The following AKR1C8 variants were observed in gnomAD, a reference collection of about 807,000 sequenced individuals.
AKR1C8 encodes the protein aldo-keto reductase family 1 member C-like protein 1.
the AKR1C8 span, chr10:5,159,838 G>A: frequency 1.3e-3 from 632 of 482,332 alleles, 4 homozygotes; most frequent in African/African-American, 0.012. Flanking sequence ...GGAAGTGTGT[G>A]AACAGCAAAA....
the AKR1C8 span, among the ~76,000 whole-genome samples, chr10:5,158,045 A>C: frequency 2.0e-5 from 3 of 152,212 alleles, no homozygotes; most frequent in African/African-American, 7.2e-5. Flanking sequence ...AACACCCAGA[A>C]ATAAAATGGA....
the AKR1C8 span, chr10:5,132,618 A>G: frequency 6.3e-7 from 1 of 1,582,890 alleles, no homozygotes; most frequent in Non-Finnish European, 8.6e-7. Flanking sequence ...AGTGTAGAAT[A>G]TGTCTTCTCT....
At chr10:5,133,852 A>G in the AKR1C8 span, among the ~76,000 whole-genome samples, 4 of 152,204 alleles carry the variant, frequency 2.6e-5, no homozygotes, top group Non-Finnish European at 4.4e-5. Context: ...ACAGAAGTAA[A>G]TATGACGAGT....
At chr10:5,116,069 G>T in the AKR1C8 span, among the ~76,000 whole-genome samples, 1 of 152,072 alleles carries the variant, frequency 6.6e-6, no homozygotes, top group Non-Finnish European at 1.5e-5. Flanking sequence ...TTGTAGTCCT[G>T]CTGGATTGGG....
At chr10:5,143,751 A>C in the AKR1C8 span, among the ~76,000 whole-genome samples, 1 of 148,302 alleles carries the variant, frequency 6.7e-6, no homozygotes, top group Non-Finnish European at 1.5e-5. Flanking sequence ...ATTTATATCT[A>C]TATATATTTT....
the AKR1C8 span, among the ~76,000 whole-genome samples, chr10:5,173,103 T>C: frequency 2.0e-5 from 3 of 152,068 alleles, no homozygotes; most frequent in Non-Finnish European, 4.4e-5. Flanking sequence ...TCAACTTTTC[T>C]ATTTTCCCAG....
chr10:5,122,272 G>A, the AKR1C8 span: 18 of 245,478 alleles, frequency 7.3e-5, no homozygotes, highest in Admixed American at 3.3e-4. Flanking sequence ...CATTAGGGGA[G>A]GCATTTCTAT....
the AKR1C8 span, among the ~76,000 whole-genome samples, chr10:5,162,232 A>G: frequency 2.0e-5 from 3 of 152,194 alleles, no homozygotes; most frequent in Non-Finnish European, 4.4e-5. Flanking sequence ...ATCAACTTCA[A>G]CGTATCAAGG....
chr10:5,142,039 T>C, the AKR1C8 span, among the ~76,000 whole-genome samples: 5 of 152,274 alleles, frequency 3.3e-5, no homozygotes, highest in Middle Eastern at 3.4e-3. Flanking sequence ...TCGCTTTCAT[T>C]AATGATCTTA....
the AKR1C8 span, chr10:5,154,865 G>C: frequency 2.6e-5 from 4 of 152,196 alleles, no homozygotes; most frequent in Non-Finnish European, 5.9e-5. Flanking sequence ...ATAAACCAAA[G>C]TCAAGGGATG....
chr10:5,175,442 G>A, the AKR1C8 span, among the ~76,000 whole-genome samples: 4 of 152,122 alleles, frequency 2.6e-5, no homozygotes, highest in South Asian at 8.3e-4. Flanking sequence ...ACATATGTGT[G>A]CATGTGTCTT....
At chr10:5,174,866 A>C in the AKR1C8 span, among the ~76,000 whole-genome samples, 1 of 152,136 alleles carries the variant, frequency 6.6e-6, no homozygotes, top group Admixed American at 6.6e-5. Context: ...AAAGTTATAA[A>C]AATTTTACAA....
chr10:5,172,226 A>C, the AKR1C8 span, among the ~76,000 whole-genome samples: 1 of 152,174 alleles, frequency 6.6e-6, no homozygotes, highest in South Asian at 2.1e-4. Flanking sequence ...TTCTTGCATA[A>C]ATTCTCTTTT....
chr10:5,166,308 A>C, the AKR1C8 span, among the ~76,000 whole-genome samples: 1 of 152,210 alleles, frequency 6.6e-6, no homozygotes, highest in Non-Finnish European at 1.5e-5. Context: ...ATATGGAACC[A>C]AAAAAGAGCC....
At chr10:5,166,835 C>A in the AKR1C8 span, among the ~76,000 whole-genome samples, 25 of 152,054 alleles carry the variant, frequency 1.6e-4, no homozygotes, top group South Asian at 8.3e-4. Context: ...AGAAACTACC[C>A]TCAGAGTGAA....
chr10:5,129,641 C>A, the AKR1C8 span, among the ~76,000 whole-genome samples: 1 of 151,922 alleles, frequency 6.6e-6, no homozygotes, highest in African/African-American at 2.4e-5. Flanking sequence ...ACTAAGAACA[C>A]CTTTATGTGC....
chr10:5,164,168 C>A, the AKR1C8 span, among the ~76,000 whole-genome samples: 1 of 151,930 alleles, frequency 6.6e-6, no homozygotes, highest in Non-Finnish European at 1.5e-5. Flanking sequence ...AGGTCCTGGA[C>A]AAAACTTTCA....
At chr10:5,144,480 A>T in the AKR1C8 span, among the ~76,000 whole-genome samples, 1 of 151,570 alleles carries the variant, frequency 6.6e-6, no homozygotes, top group Non-Finnish European at 1.5e-5. Flanking sequence ...GGCCATTTTC[A>T]CGATATTGAT....
the AKR1C8 span, among the ~76,000 whole-genome samples, chr10:5,176,295 C>T: frequency 9.2e-5 from 11 of 119,496 alleles, no homozygotes; most frequent in East Asian, 7.9e-4. Context: ...TGTAGATATG[C>T]GGCATTATTT....
Sources: gnomAD v4.1 joint callset for allele counts (sites outside exome capture counted in the v4.1 genomes callset) on GRCh38, gnomAD v4.1.1 for gene constraint, MANE v1.5 for transcripts, NCBI Gene and HGNC (gene_info 2026-07-23, HGNC 2026-07-21) for gene names.